IL1RAPL1: variants seen among roughly 807,000 people sequenced by gnomAD.
IL1RAPL1 encodes the protein interleukin 1 receptor accessory protein like 1.
A neutral mutation model predicts 48.4 loss-of-function variants in IL1RAPL1; 3 were observed. That is an observed-to-expected ratio of 0.06 (90% CI 0.03 to 0.16). The LOEUF (loss-of-function observed/expected upper bound fraction) is 0.16, where lower values mean the gene tolerates loss of function less well. Among genes scored for constraint, IL1RAPL1 ranks in the 10% least tolerant of loss-of-function variants. IL1RAPL1 has a pLI of 1.00. For missense variants in IL1RAPL1, 349 were observed against 530.6 expected (o/e 0.66, Z 3.36); for synonymous variants, 185 against 187.7 (o/e 0.99, Z 0.12).
chrX:28,675,600 T>C (rs990429058), intron 1 of IL1RAPL1, among the ~76,000 whole-genome samples: 19 of 112,130 alleles, frequency 1.7e-4, no homozygotes, highest in Admixed American at 1.4e-3. Flanking sequence ...AAATATAGCA[T>C]ACATTACATA....
At chrX:29,289,572 G>A (rs1393655472) in intron 3 of IL1RAPL1, among the ~76,000 whole-genome samples, 2 of 111,464 alleles carry the variant, frequency 1.8e-5, no homozygotes, top group African/African-American at 6.5e-5. Flanking sequence ...TATTTTTCAT[G>A]TAAATTATAG....
At chrX:29,458,731 T>G (rs1934769342) in intron 5 of IL1RAPL1, among the ~76,000 whole-genome samples, 1 of 110,231 alleles carries the variant, frequency 9.1e-6, no homozygotes, top group Non-Finnish European at 1.9e-5. Flanking sequence ...TTTTGTTTTT[T>G]TTTTTTGAGA....
intron 1 of IL1RAPL1, among the ~76,000 whole-genome samples, chrX:28,628,740 T>C (rs912740150): frequency 8.9e-6 from 1 of 112,336 alleles, no homozygotes; most frequent in African/African-American, 3.2e-5. Flanking sequence ...GGTTACTCTG[T>C]ATCATGTGTG....
chrX:28,724,793 A>C (rs755165564), intron 1 of IL1RAPL1, among the ~76,000 whole-genome samples: 1 of 110,920 alleles, frequency 9.0e-6, no homozygotes, highest in Non-Finnish European at 1.9e-5. Context: ...CCCTACAAGA[A>C]TGACTGATTG....
chrX:28,749,257 G>T (rs189036913), intron 1 of IL1RAPL1, among the ~76,000 whole-genome samples: 142 of 111,909 alleles, frequency 1.3e-3, no homozygotes, highest in Middle Eastern at 4.7e-3. Flanking sequence ...ACTCATTTCA[G>T]TTCCTTTGGA....
At chrX:29,915,122 C>T (rs781450262) in intron 6 of IL1RAPL1, among the ~76,000 whole-genome samples, 241 of 111,795 alleles carry the variant, frequency 2.2e-3, no homozygotes, top group Non-Finnish European at 4.0e-3. Context: ...GGTGAAACCC[C>T]GTCTCTACTA....
chrX:29,246,954 T>C (rs752654084), intron 2 of IL1RAPL1, among the ~76,000 whole-genome samples: 1 of 111,804 alleles, frequency 8.9e-6, no homozygotes, highest in Non-Finnish European at 1.9e-5. Flanking sequence ...TGGCAAAGTG[T>C]TTAGTTTTAA....
chrX:29,480,604 C>A (rs1329317253), intron 5 of IL1RAPL1, among the ~76,000 whole-genome samples: 3 of 110,265 alleles, frequency 2.7e-5, no homozygotes, highest in African/African-American at 9.9e-5. Context: ...TTCAGAACTG[C>A]CTATTTTTGG....
intron 2 of IL1RAPL1, among the ~76,000 whole-genome samples, chrX:28,839,882 AT>A (rs200272083): frequency 0.12 from 12,811 of 110,507 alleles, 1,297 homozygotes; most frequent in African/African-American, 0.31. Context: ...ACCTCTGTTA[AT>A]AAAAAAAATC....
chrX:28,959,100 T>C (rs1389092685), intron 2 of IL1RAPL1, among the ~76,000 whole-genome samples: 2 of 111,482 alleles, frequency 1.8e-5, no homozygotes, highest in Non-Finnish European at 3.8e-5. Context: ...AATGAAAAAG[T>C]AAGGACAAAT....
intron 6 of IL1RAPL1, among the ~76,000 whole-genome samples, chrX:29,876,027 A>G (rs1281902089): frequency 9.0e-6 from 1 of 111,377 alleles, no homozygotes; most frequent in African/African-American, 3.3e-5. Context: ...TGTGTCCACC[A>G]AGATAGTAGA....
At chrX:29,747,472 T>G (rs1019572473) in intron 6 of IL1RAPL1, among the ~76,000 whole-genome samples, 1 of 112,466 alleles carries the variant, frequency 8.9e-6, no homozygotes, top group African/African-American at 3.2e-5. Flanking sequence ...TCAAGAGGGC[T>G]CTTATTGAAC....
At chrX:28,744,187 G>A (rs1045897892) in intron 1 of IL1RAPL1, among the ~76,000 whole-genome samples, 1 of 110,994 alleles carries the variant, frequency 9.0e-6, no homozygotes, top group Non-Finnish European at 1.9e-5. Context: ...TTCCTGAAGG[G>A]TAAAAAGAGT....
intron 2 of IL1RAPL1, among the ~76,000 whole-genome samples, chrX:29,258,003 G>A (rs1304583812): frequency 9.0e-6 from 1 of 111,393 alleles, no homozygotes; most frequent in African/African-American, 3.3e-5. Flanking sequence ...TCCTTGAAAT[G>A]GGGTTTTCCC....
In IL1RAPL1 at chrX:29,928,533, C is replaced by T. The variant is rs765372915; in HGVS notation, c.1057+8439C>T. On this transcript the variant is annotated intron_variant, in intron 8 of 10. Coordinates refer to ENST00000378993, the MANE Select transcript of IL1RAPL1 (RefSeq NM_014271.4). ...CTTAAAAGAGATAATTCATATAATGCTGTTGTTTGAAAAAGCGACAAATCA... is the reference window on the plus strand; with the variant it reads ...CTTAAAAGAGATAATTCATATAATGTTGTTGTTTGAAAAAGCGACAAATCA... 4.5e-5 allele frequency among the ~76,000 whole-genome samples: 5 copies of T among 112,170 alleles called. No homozygotes were observed. In the East Asian group the frequency reaches 1.4e-3, roughly 31 times the overall value.
intron 6 of IL1RAPL1, among the ~76,000 whole-genome samples, chrX:29,769,947 T>C (rs892865144): frequency 4.5e-5 from 5 of 111,614 alleles, no homozygotes; most frequent in African/African-American, 1.6e-4. Flanking sequence ...CTGGACATTT[T>C]ACCTTCCCAA....
intron 3 of IL1RAPL1, among the ~76,000 whole-genome samples, chrX:29,366,106 G>A (rs17329372): frequency 0.45 from 48,668 of 107,506 alleles, 8,969 homozygotes; most frequent in Middle Eastern, 0.63. Flanking sequence ...GGATTGTGTC[G>A]TAGTTAGAAA....
At chrX:29,655,901 T>C (rs1278355674) in intron 5 of IL1RAPL1, among the ~76,000 whole-genome samples, 1 of 111,418 alleles carries the variant, frequency 9.0e-6, no homozygotes, top group Non-Finnish European at 1.9e-5. Context: ...CCCCAAAACA[T>C]GTTAATTTTC....
At chrX:28,783,881 A>G in intron 1 of IL1RAPL1, among the ~76,000 whole-genome samples, 1 of 111,712 alleles carries the variant, frequency 9.0e-6, no homozygotes, top group Non-Finnish European at 1.9e-5. Flanking sequence ...GTCGTCTCTC[A>G]TAACATGTAT....
Sources: allele counts gnomAD v4.1 joint callset (sites outside exome capture counted in the v4.1 genomes callset), GRCh38; gene constraint gnomAD v4.1.1; transcripts MANE v1.5; gene names NCBI Gene and HGNC (gene_info 2026-07-23, HGNC 2026-07-21).